The following CMIP variants were observed in gnomAD, a reference collection of about 807,000 sequenced individuals.
CMIP encodes c-Maf inducing protein.
In CMIP, 13 loss-of-function variants were observed where a neutral mutation model predicts 97.3. That is an observed-to-expected ratio of 0.13 (90% confidence interval 0.09 to 0.21). CMIP has a LOEUF of 0.21. Ranked by LOEUF, CMIP falls within the 10% of genes least tolerant of loss-of-function variation. CMIP has a pLI of 1.00. For synonymous variants in CMIP, 538 were observed against 436.3 expected, an observed-to-expected ratio of 1.23 and a Z score of -2.91; for missense variants, 847 against 1,024.9, an observed-to-expected ratio of 0.83 and a Z score of 2.37.
intron 10 of CMIP, among the ~76,000 whole-genome samples, chr16:81,680,310 A>G (rs772439602): frequency 3.3e-5 from 5 of 152,226 alleles, no homozygotes; most frequent in Non-Finnish European, 7.3e-5. Context: ...TTCGAGGGAC[A>G]GAGGGCAGCT....
Position 81,560,021 on chromosome 16 carries a change from A to G in CMIP, c.301-47546A>G, listed in dbSNP as rs372409242. 4.7e-3 allele frequency among the ~76,000 whole-genome samples: 714 copies of G among 151,612 alleles called. 3 individuals are homozygous for G. The highest frequency in any genetic ancestry group is 0.027 in the Middle Eastern group (8 of 292). ...AAATTAGCGGGGCATAGTGGTGTGCACCTGTAATCCCAGCTACTCAGGAGC... is the reference window on the plus strand; with the variant it reads ...AAATTAGCGGGGCATAGTGGTGTGCGCCTGTAATCCCAGCTACTCAGGAGC... On this transcript the variant is annotated intron_variant, in intron 1 of 20. Transcript: ENST00000537098.
chr16:81,553,130 C>T (rs2090691747), intron 1 of CMIP, among the ~76,000 whole-genome samples: 1 of 152,268 alleles, frequency 6.6e-6, no homozygotes, highest in Admixed American at 6.5e-5. Context: ...TGAGTCTCTG[C>T]TTGTTTCAGT....
intron 1 of CMIP, among the ~76,000 whole-genome samples, chr16:81,580,910 G>A (rs183932234): frequency 7.2e-5 from 11 of 152,090 alleles, no homozygotes; most frequent in Non-Finnish European, 1.6e-4. Context: ...ACGAAATCTC[G>A]TGCCCATTAG....
rs553579498 is a variant in CMIP at position 81,645,475 on chromosome 16, C to G, written c.478-6728C>G. ...GTCACTCCTCTCCTGGCAAGGGGCA[C>G]ATTCCTGCTGACGACTTGTCTCCCG... On this transcript the variant is annotated intron_variant, in intron 3 of 20. Coordinates refer to ENST00000537098, the MANE Select transcript of CMIP (RefSeq NM_198390.3). 3.3e-6 allele frequency: 5 copies of G among 1,532,534 alleles called. No individual in the cohort carries two copies. The African/African-American group carries it at 5.5e-5, about 17-fold the overall frequency. The allele number at this position is 1,532,534 out of a possible 1,614,324, so 94.9% of individuals were successfully genotyped here. A position where few individuals can be genotyped will look rare whatever the true frequency, so the allele number is the denominator to read the frequency against.
At chr16:81,520,569 G>GGGGGGAGAGAGAGA (rs370420453) in intron 1 of CMIP, 5 of 106,946 alleles carry the variant, frequency 4.7e-5, no homozygotes, top group African/African-American at 2.2e-4. Context: ...GGAGGAAGGG[G>GGGGGGAGAGAGAGA]GAGAGAGAGA....
chr16:81,598,489 C>CTAAATG (rs1567602146), intron 1 of CMIP, among the ~76,000 whole-genome samples: 2 of 152,212 alleles, frequency 1.3e-5, no homozygotes, highest in Admixed American at 1.3e-4. Context: ...AGGGCAGTGC[C>CTAAATG]AGTATCAACT....
chr16:81,583,321 C>T (rs963680374), intron 1 of CMIP, among the ~76,000 whole-genome samples: 25 of 152,236 alleles, frequency 1.6e-4, no homozygotes, highest in African/African-American at 6.0e-4. Context: ...GGGCTCCGGG[C>T]CTCTCATACA....
intron 2 of CMIP, 94 bp from the exon 3 acceptor site, chr16:81,620,782 G>C: frequency 6.9e-7 from 1 of 1,447,524 alleles, no homozygotes; most frequent in Non-Finnish European, 9.6e-7. Context: ...GCTGTCTACA[G>C]AGCAGGCTTG....
At position 81,620,964 on chromosome 16, in the gene CMIP, G is replaced by A. The variant is rs2150960990; in HGVS notation, c.477+38G>A. The A allele has an allele frequency of 3.1e-6, 5 of 1,612,132 alleles. No individual in the cohort carries two copies. The East Asian group carries it at 6.7e-5, about 22-fold the overall frequency. Reference sequence around the variant, plus strand: ...TCGGTTGCTTGTTTAAAGCGACTCAGGCAGTGGTGCGATGGCTTAAAGCCA... The same window carrying A: ...TCGGTTGCTTGTTTAAAGCGACTCAAGCAGTGGTGCGATGGCTTAAAGCCA... On this transcript the variant is annotated intron_variant, in intron 3 of 20. Coordinates refer to ENST00000537098, the MANE Select transcript of CMIP (RefSeq NM_198390.3).
intron 1 of CMIP, among the ~76,000 whole-genome samples, chr16:81,459,449 G>C (rs911438100): frequency 4.6e-5 from 7 of 152,104 alleles, no homozygotes; most frequent in Non-Finnish European, 1.0e-4. Context: ...CTCAGCCCCT[G>C]TCCTAACCCC....
At chr16:81,536,065 A>C (rs567708423) in intron 1 of CMIP, among the ~76,000 whole-genome samples, 1 of 152,196 alleles carries the variant, frequency 6.6e-6, no homozygotes, top group Admixed American at 6.5e-5. Flanking sequence ...ACTCATAAGC[A>C]GGGACCCGAA....
At chr16:81,667,740 C>G (rs2092619468) in intron 7 of CMIP, among the ~76,000 whole-genome samples, 1 of 126,994 alleles carries the variant, frequency 7.9e-6, no homozygotes, top group Non-Finnish European at 1.6e-5. Context: ...ATTTTCTAAC[C>G]CAGGAGGGAG....
At chr16:81,552,358 T>A (rs2090676134) in intron 1 of CMIP, among the ~76,000 whole-genome samples, 1 of 152,184 alleles carries the variant, frequency 6.6e-6, no homozygotes, top group Non-Finnish European at 1.5e-5. Context: ...ACCCAGTGGC[T>A]GAAAACCACA....
At position 81,537,754 on chromosome 16, in the gene CMIP, T is replaced by C. The variant is rs539793011; in HGVS notation, c.301-69813T>C. On this transcript the variant is annotated intron_variant, in intron 1 of 20. Transcript: ENST00000537098. Reference sequence around the variant, plus strand: ...GCCCCAAATGGGAGTTTGGTGAAAGTTCAGTGGAGGATTAGCCATGAGGAT... The same window carrying C: ...GCCCCAAATGGGAGTTTGGTGAAAGCTCAGTGGAGGATTAGCCATGAGGAT... Among the ~76,000 whole-genome samples, 364 of 152,238 alleles carry C rather than the reference T, an allele frequency of 2.4e-3. 2 individuals carry two copies. Among genetic ancestry groups the C allele is most frequent in the Non-Finnish European group, 3.4e-3 (231 of 68,008 alleles).
intron 1 of CMIP, among the ~76,000 whole-genome samples, chr16:81,450,889 C>G (rs966340035): frequency 2.0e-5 from 3 of 152,208 alleles, no homozygotes; most frequent in African/African-American, 7.2e-5. Flanking sequence ...TCCTTGGAGG[C>G]AAGCACTGCT....
intron 1 of CMIP, among the ~76,000 whole-genome samples, chr16:81,590,921 TTG>T (rs2091458045): frequency 1.3e-5 from 2 of 152,234 alleles, no homozygotes; most frequent in African/African-American, 4.8e-5. Context: ...GACCCACTAC[TTG>T]TCTTTGTAAA....
intron 1 of CMIP, among the ~76,000 whole-genome samples, chr16:81,505,650 G>T (rs958979533): frequency 3.3e-5 from 5 of 152,240 alleles, no homozygotes. Flanking sequence ...CCTCTTGTAA[G>T]CTGGGTCTCT....
intron 1 of CMIP, among the ~76,000 whole-genome samples, chr16:81,544,453 C>G (rs2090506187): frequency 6.7e-6 from 1 of 149,204 alleles, no homozygotes; most frequent in Admixed American, 6.6e-5. Flanking sequence ...TGCGCGCACA[C>G]AGGAAACCTC....
At chr16:81,618,204 G>T (rs979975029) in intron 2 of CMIP, among the ~76,000 whole-genome samples, 1 of 152,126 alleles carries the variant, frequency 6.6e-6, no homozygotes, top group East Asian at 1.9e-4. Context: ...GGTCCCATGG[G>T]GCTAAAACGA....
Sources: allele counts gnomAD v4.1 joint callset (sites outside exome capture counted in the v4.1 genomes callset), GRCh38; gene constraint gnomAD v4.1.1; transcripts MANE v1.5; gene names NCBI Gene and HGNC (gene_info 2026-07-23, HGNC 2026-07-21).